The following SPRR2B variants were observed in gnomAD, a reference collection of about 807,000 sequenced individuals.
The protein encoded by SPRR2B is small proline-rich protein 2B.
A neutral mutation model predicts 1.0 loss-of-function variants in SPRR2B; 1 was observed. The observed-to-expected ratio is 1.01, with a 90% confidence interval of 0.36 to 4.77. The LOEUF (loss-of-function observed/expected upper bound fraction) is 4.77, where lower values mean the gene tolerates loss of function less well. Among genes scored for constraint, SPRR2B ranks in the 30% most tolerant of loss-of-function variants. The pLI is 0.16. For synonymous variants in SPRR2B, 27 were observed against 33.4 expected, an observed-to-expected ratio of 0.81 and a Z score of 0.66; for missense variants, 53 against 88.7, an observed-to-expected ratio of 0.60 and a Z score of 1.62.
At chr1:153,084,080 C>T in the SPRR2B span, among the ~76,000 whole-genome samples, 1 of 152,190 alleles carries the variant, frequency 6.6e-6, no homozygotes, top group Non-Finnish European at 1.5e-5. Flanking sequence ...TTGGGACCCA[C>T]ATTTTAGCCT....
chr1:153,084,371 A>T, the SPRR2B span, among the ~76,000 whole-genome samples: 6 of 152,126 alleles, frequency 3.9e-5, no homozygotes, highest in African/African-American at 1.4e-4. Flanking sequence ...ATAGCCAGCC[A>T]GCCCCAACTT....
At chr1:153,086,372 G>T in the SPRR2B span, among the ~76,000 whole-genome samples, 1 of 152,138 alleles carries the variant, frequency 6.6e-6, no homozygotes, top group African/African-American at 2.4e-5. Context: ...AGCAGGGGTT[G>T]CCATCCTAAT....
At chr1:153,086,506 A>C in the SPRR2B span, among the ~76,000 whole-genome samples, 11 of 152,366 alleles carry the variant, frequency 7.2e-5, no homozygotes, top group Non-Finnish European at 1.6e-4. Flanking sequence ...TGGACCCAGC[A>C]CAGGAGAACT....
the SPRR2B span, among the ~76,000 whole-genome samples, chr1:153,085,114 A>G: frequency 0.016 from 2,505 of 152,338 alleles, 69 homozygotes; most frequent in African/African-American, 0.058. Flanking sequence ...CAAAAAGCCA[A>G]GGTGTCTTTG....
Position 153,070,678 on chromosome 1 carries a change from A to T in SPRR2B, c.162T>A (p.Tyr54Ter). ...PCPPQQCQQKYPPVTPSPPCQ... is the reference protein window; with the variant it reads ...PCPPQQCQQK ...AGGGTGGGGAAGGTGTCACAGGAGG[A>T]TATTTCTGCTGGCACTGCTGAGGTG... Residue 54 changes from tyrosine to a stop codon, truncating the protein, a stop_gained, in exon 2 of 2, where the codon TAT becomes TAA. Transcript: ENST00000368755. LOFTEE classifies it high-confidence loss of function. The T allele has an allele frequency of 6.2e-7, 1 of 1,611,712 alleles. No homozygotes were observed. Among genetic ancestry groups the T allele is most frequent in the Admixed American group, 1.7e-5 (1 of 59,934 alleles).
chr1:153,076,996 A>G, the SPRR2B span, among the ~76,000 whole-genome samples: 1 of 152,350 alleles, frequency 6.6e-6, no homozygotes, highest in African/African-American at 2.4e-5. Context: ...AGGCAAACTT[A>G]TGCATCCAAA....
upstream of SPRR2B, among the ~76,000 whole-genome samples, chr1:153,073,680 A>G (rs1654718208): frequency 6.7e-6 from 1 of 149,460 alleles, no homozygotes; most frequent in Non-Finnish European, 1.5e-5. Flanking sequence ...CCTGAGACAT[A>G]GAGCGAGGCA....
chr1:153,077,502 A>C, the SPRR2B span, among the ~76,000 whole-genome samples: 1 of 152,254 alleles, frequency 6.6e-6, no homozygotes, highest in Non-Finnish European at 1.5e-5. Context: ...TTTAAAATGC[A>C]AATGAATGCA....
chr1:153,083,994 A>G, the SPRR2B span, among the ~76,000 whole-genome samples: 2 of 152,130 alleles, frequency 1.3e-5, no homozygotes, highest in African/African-American at 4.8e-5. Context: ...GTCTGACCTG[A>G]GCACTCTCTG....
At chr1:153,081,690 A>T in the SPRR2B span, among the ~76,000 whole-genome samples, 3 of 152,244 alleles carry the variant, frequency 2.0e-5, no homozygotes, top group African/African-American at 2.4e-5. Context: ...TTTCTACAAG[A>T]TTTAAAATGC....
At chr1:153,081,711 A>G in the SPRR2B span, among the ~76,000 whole-genome samples, 1 of 152,244 alleles carries the variant, frequency 6.6e-6, no homozygotes, top group Non-Finnish European at 1.5e-5. Flanking sequence ...AAATGAACAC[A>G]ATATAATTAC....
At chr1:153,072,119 T>C (rs1654678519), upstream of SPRR2B, among the ~76,000 whole-genome samples, 1 of 152,194 alleles carries the variant, frequency 6.6e-6, no homozygotes, top group Non-Finnish European at 1.5e-5. Flanking sequence ...CCTCTGGTTT[T>C]GAAGGCAGTG....
At chr1:153,085,162 TCTGTA>T in the SPRR2B span, among the ~76,000 whole-genome samples, 2 of 152,178 alleles carry the variant, frequency 1.3e-5, no homozygotes, top group African/African-American at 4.8e-5. Flanking sequence ...TAGCAAGGGT[TCTGTA>T]CTGAGCTAGG....
At chr1:153,073,636 C>T (rs770793956), upstream of SPRR2B, among the ~76,000 whole-genome samples, 2 of 151,882 alleles carry the variant, frequency 1.3e-5, no homozygotes, top group Non-Finnish European at 2.9e-5. Flanking sequence ...GAGCAGCTAA[C>T]AGTCACACCT....
At chr1:153,078,939 C>T in the SPRR2B span, among the ~76,000 whole-genome samples, 3 of 152,272 alleles carry the variant, frequency 2.0e-5, no homozygotes, top group Non-Finnish European at 4.4e-5. Context: ...AATCACCACA[C>T]TGAATTCCAC....
At chr1:153,086,468 A>C in the SPRR2B span, among the ~76,000 whole-genome samples, 1 of 152,236 alleles carries the variant, frequency 6.6e-6, no homozygotes, top group Non-Finnish European at 1.5e-5. Flanking sequence ...TCAAAGCAAC[A>C]AGACAACCTA....
the SPRR2B span, among the ~76,000 whole-genome samples, chr1:153,078,635 T>A: frequency 6.6e-6 from 1 of 152,178 alleles, no homozygotes; most frequent in African/African-American, 2.4e-5. Flanking sequence ...GTTCTTGCGA[T>A]AGTTTGCTGA....
chr1:153,086,223 G>C, the SPRR2B span, among the ~76,000 whole-genome samples: 2 of 152,174 alleles, frequency 1.3e-5, no homozygotes, highest in South Asian at 4.1e-4. Flanking sequence ...CAATTAAAAC[G>C]CAGAGTGGCA....
the SPRR2B span, among the ~76,000 whole-genome samples, chr1:153,083,069 A>G: frequency 6.6e-6 from 1 of 152,226 alleles, no homozygotes. Flanking sequence ...AAAGCTATAA[A>G]TAATTCTATG....
Sources: gnomAD v4.1 joint callset for allele counts (sites outside exome capture counted in the v4.1 genomes callset) on GRCh38, gnomAD v4.1.1 for gene constraint, MANE v1.5 for transcripts, NCBI Gene and HGNC (gene_info 2026-07-23, HGNC 2026-07-21) for gene names.